CDC14B: variants seen among roughly 807,000 people sequenced by gnomAD.
CDC14B encodes the protein dual specificity protein phosphatase CDC14B.
A neutral mutation model predicts 64.2 loss-of-function variants in CDC14B; 22 were observed. The ratio of observed to expected loss-of-function variants is 0.34; its 90% CI spans 0.24 to 0.49. The LOEUF (loss-of-function observed/expected upper bound fraction) is 0.49, where lower values mean the gene tolerates loss of function less well. Among genes scored for constraint, CDC14B ranks in the 20% least tolerant of loss-of-function variants. CDC14B has a pLI of 0.99. For synonymous variants in CDC14B, 191 were observed against 215.8 expected (o/e 0.89, Z 1.01); for missense variants, 498 against 629.9 (o/e 0.79, Z 2.24).
chr9:96,588,582 G>A (rs1223987128), intron 1 of CDC14B, among the ~76,000 whole-genome samples: 1 of 152,184 alleles, frequency 6.6e-6, no homozygotes, highest in Non-Finnish European at 1.5e-5. Flanking sequence ...CACCTCCTGG[G>A]CTCAAGCGAT....
At chr9:96,581,096 G>T (rs1192972906) in intron 1 of CDC14B, among the ~76,000 whole-genome samples, 1 of 152,074 alleles carries the variant, frequency 6.6e-6, no homozygotes, top group Non-Finnish European at 1.5e-5. Context: ...CAGGCATGGT[G>T]GCGCGCGCCT....
intron 9 of CDC14B, among the ~76,000 whole-genome samples, chr9:96,526,364 T>A (rs1837565678): frequency 1.3e-5 from 2 of 152,004 alleles, no homozygotes; most frequent in South Asian, 4.1e-4. Flanking sequence ...CGAGACTCCA[T>A]CTCAAAAAAA....
chr9:96,491,639 A>G (rs1833098529), exon 14 of CDC14B: 1 of 152,158 alleles, frequency 6.6e-6, no homozygotes, highest in Admixed American at 6.5e-5. Flanking sequence ...TCACACTGTC[A>G]TTTTGCCTAA....
At chr9:96,526,184 A>T (rs1417413900) in intron 9 of CDC14B, among the ~76,000 whole-genome samples, 1 of 152,128 alleles carries the variant, frequency 6.6e-6, no homozygotes, top group South Asian at 2.1e-4. Context: ...TGGCTAACAC[A>T]GTGAAACCCT....
intron 1 of CDC14B, among the ~76,000 whole-genome samples, chr9:96,605,794 G>A (rs992094663): frequency 6.6e-6 from 1 of 152,108 alleles, no homozygotes; most frequent in East Asian, 1.9e-4. Flanking sequence ...CCGGGAGGTG[G>A]AGGTTGCAGC....
At chr9:96,583,542 G>A (rs927115009) in intron 1 of CDC14B, among the ~76,000 whole-genome samples, 1 of 151,246 alleles carries the variant, frequency 6.6e-6, no homozygotes, top group South Asian at 2.1e-4. Flanking sequence ...GACTACAGGT[G>A]CGCACCACCA....
At chr9:96,568,672 T>C (rs746909791) in intron 1 of CDC14B, among the ~76,000 whole-genome samples, 3 of 152,152 alleles carry the variant, frequency 2.0e-5, no homozygotes, top group Non-Finnish European at 4.4e-5. Context: ...TCACAGCATT[T>C]TGGGAGGCCG....
At chr9:96,572,810 C>T (rs1844552031) in intron 1 of CDC14B, among the ~76,000 whole-genome samples, 1 of 152,174 alleles carries the variant, frequency 6.6e-6, no homozygotes, top group South Asian at 2.1e-4. Context: ...ACTGTTCCAA[C>T]AGCCAATATC....
At position 96,515,733 on chromosome 9, in the gene CDC14B, C is replaced by T; in HGVS notation, c.1344-5944G>A. 1 of 1,606,788 alleles carries T rather than the reference C, an allele frequency of 6.2e-7. No homozygotes were observed. The highest frequency in any genetic ancestry group is 8.5e-7 in the Non-Finnish European group (1 of 1,177,098). On this transcript the variant is annotated intron_variant, in intron 12 of 13. Coordinates refer to ENST00000375241, the MANE Select transcript of CDC14B (RefSeq NM_033331.4). The surrounding 1 kb of genome is among the most constrained non-coding windows in gnomAD (Gnocchi z 4.3). ...TAGCAGGATGGGAAGAATGTAGTCA[C>T]AAACAATCCACCAGATGACAACACT...
intron 13 of CDC14B, among the ~76,000 whole-genome samples, chr9:96,507,135 A>G (rs1834240874): frequency 6.6e-6 from 1 of 152,128 alleles, no homozygotes; most frequent in African/African-American, 2.4e-5. Context: ...CTCTACTAAA[A>G]ATACAAAAAT....
intron 1 of CDC14B, among the ~76,000 whole-genome samples, chr9:96,569,942 C>A (rs1207560048): frequency 1.3e-5 from 2 of 152,154 alleles, no homozygotes; most frequent in African/African-American, 4.8e-5. Context: ...CTTTATAATC[C>A]TGTTAAAAAT....
At chr9:96,597,310 A>C (rs1244512167) in intron 1 of CDC14B, among the ~76,000 whole-genome samples, 1 of 152,074 alleles carries the variant, frequency 6.6e-6, no homozygotes, top group Non-Finnish European at 1.5e-5. Context: ...CCTGGCCAAC[A>C]TGGTGAAACC....
rs370395395 is a variant in CDC14B at position 96,584,772 on chromosome 9, G to A, written c.161-19289C>T. Among the ~76,000 whole-genome samples the A allele has an allele frequency of 2.6e-4, 39 of 152,258 alleles. 1 individual carries two copies. The South Asian group carries it at 8.1e-3, about 32-fold the overall frequency. On this transcript the variant is annotated intron_variant, in intron 1 of 13. Transcript: ENST00000375241. ...AGGTTCAAGCAATTCTCCTGCCTCA[G>A]CCTCCCAAGTAGCTGGGATTACAGG... is the stretch of plus-strand genomic sequence containing the variant.
chr9:96,508,531 C>T (rs1587733714), intron 13 of CDC14B, among the ~76,000 whole-genome samples: 1 of 152,200 alleles, frequency 6.6e-6, no homozygotes, highest in South Asian at 2.1e-4. Context: ...AAGAATCAAA[C>T]AGTAAAGAAA....
chr9:96,562,579 G>A lies in CDC14B; in HGVS notation c.420+114C>T, dbSNP rs1031614491. The stretch of plus-strand genomic sequence containing the variant: ...GGTCAATTTTTTAAAAGCAAAACAC[G>A]TTCTTTCTGAAGAGAAATCAAGACA... On this transcript the variant is annotated intron_variant, in intron 4 of 13. Transcript: ENST00000375241. 1.3e-4 allele frequency: 98 copies of A among 775,042 alleles called. 1 individual carries two copies. Among genetic ancestry groups the A allele is most frequent in the Non-Finnish European group, 2.0e-4 (91 of 448,938 alleles). The allele number at this position is 775,042 out of a possible 1,614,324, so 48.0% of individuals were successfully genotyped here.
At chr9:96,576,707 A>G (rs755545886) in intron 1 of CDC14B, among the ~76,000 whole-genome samples, 5 of 152,078 alleles carry the variant, frequency 3.3e-5, no homozygotes, top group Non-Finnish European at 7.4e-5. Flanking sequence ...TTTTAAATCT[A>G]TCAAGCAAAA....
chr9:96,567,223 T>C, intron 1 of CDC14B: 1 of 204,156 alleles, frequency 4.9e-6, no homozygotes, highest in Admixed American at 5.5e-5. Context: ...CTGGGAAAGC[T>C]CCTTAGCGAT....
intron 7 of CDC14B, among the ~76,000 whole-genome samples, chr9:96,538,279 A>G (rs1198670003): frequency 6.6e-6 from 1 of 152,212 alleles, no homozygotes; most frequent in Non-Finnish European, 1.5e-5. Flanking sequence ...TCACTCTAGA[A>G]TTGTGCATCA....
intron 1 of CDC14B, among the ~76,000 whole-genome samples, chr9:96,609,365 A>G (rs1337683223): frequency 6.6e-6 from 1 of 152,198 alleles, no homozygotes; most frequent in Non-Finnish European, 1.5e-5. Flanking sequence ...AAACTACATA[A>G]TGACTAATTC....
Sources: gnomAD v4.1 joint callset for allele counts (sites outside exome capture counted in the v4.1 genomes callset) on GRCh38, gnomAD v4.1.1 for gene constraint, Gnocchi (gnomAD v3.1) non-coding constraint, MANE v1.5 for transcripts, NCBI Gene and HGNC (gene_info 2026-07-23, HGNC 2026-07-21) for gene names.